DIXDC1: variants seen among roughly 807,000 people sequenced by gnomAD.
The protein encoded by DIXDC1 is DIX domain containing 1.
DIXDC1 carries 64 observed loss-of-function variants against 103.1 expected under a neutral mutation model. The ratio of observed to expected loss-of-function variants is 0.62; its 90% CI spans 0.51 to 0.76. DIXDC1 has a LOEUF of 0.76. Ranked by LOEUF, DIXDC1 falls within the 30% of genes least tolerant of loss-of-function variation. The probability of loss-of-function intolerance (pLI) is 0.00; values close to 1 mark genes in which losing one functional copy is unlikely to be tolerated. For missense variants in DIXDC1, 759 were observed against 834.2 expected, an observed-to-expected ratio of 0.91 and a Z score of 1.11; for synonymous variants, 266 against 298.5, an observed-to-expected ratio of 0.89 and a Z score of 1.12.
chr11:111,981,431 G>A (rs1555173230), intron 6 of DIXDC1, among the ~76,000 whole-genome samples: 1 of 152,226 alleles, frequency 6.6e-6, no homozygotes, highest in African/African-American at 2.4e-5. Flanking sequence ...CACAAGAGTT[G>A]TAATGAAACA....
At chr11:111,932,388 G>GA (rs201166525), upstream of DIXDC1, among the ~76,000 whole-genome samples, 1 of 150,320 alleles carries the variant, frequency 6.7e-6, no homozygotes, top group South Asian at 2.1e-4. Context: ...TGTGAAAAAA[G>GA]AAAAAAAATC....
At position 111,969,967 on chromosome 11, in the gene DIXDC1, C is replaced by T. The variant is rs587618478; in HGVS notation, c.316+1329C>T. Among the ~76,000 whole-genome samples the T allele has an allele frequency of 5.3e-5, 8 of 152,202 alleles. No individual in the cohort carries two copies. In the South Asian group the frequency reaches 1.2e-3, roughly 24 times the overall value. ...TGATATGATTCTATACCTAGAAAAC[C>T]CCAAAAGCCTCTGTCAAAAGGCTCC... On this transcript the variant is annotated intron_variant, in intron 3 of 19. Transcript: ENST00000440460.
intron 3 of DIXDC1, among the ~76,000 whole-genome samples, chr11:111,972,150 CAAAT>C (rs1157927826): frequency 2.6e-5 from 4 of 152,282 alleles, no homozygotes; most frequent in African/African-American, 4.8e-5. Context: ...AAAACAAACA[CAAAT>C]AATCCTTTTC....
At chr11:111,996,401 A>C (rs1860900641) in intron 17 of DIXDC1, 1 of 306,558 alleles carries the variant, frequency 3.3e-6, no homozygotes, top group Non-Finnish European at 6.0e-6. Context: ...TTTGAAGAAC[A>C]CAGAAGCTCA....
At chr11:112,012,219 G>C (rs767221192) in intron 17 of DIXDC1, among the ~76,000 whole-genome samples, 2 of 152,120 alleles carry the variant, frequency 1.3e-5, no homozygotes, top group Non-Finnish European at 2.9e-5. Context: ...AAAATTTATA[G>C]GAAAGAATAA....
At position 111,977,414 on chromosome 11, in the gene DIXDC1, AG is replaced by A; in HGVS notation, c.656+2437del. ...GGAGATGGGTTGAGATGCCCCCGCC[AG>A]GGGGGATGCCCGGCACCGTGCGTCC... On this transcript the variant is annotated intron_variant, in intron 5 of 19. Transcript: ENST00000440460. The surrounding 1 kb of genome is among the most constrained non-coding windows in gnomAD (Gnocchi z 6.1). 1.7e-6 allele frequency: 2 copies of A among 1,158,454 alleles called. No individual in the cohort carries two copies. Among genetic ancestry groups the A allele is most frequent in the South Asian group, 2.2e-5 (1 of 46,016 alleles). The allele number at this position is 1,158,454 out of a possible 1,614,324, so 71.8% of individuals were successfully genotyped here.
chr11:111,986,507 G>A (rs1592598342), intron 8 of DIXDC1, among the ~76,000 whole-genome samples: 1 of 151,876 alleles, frequency 6.6e-6, no homozygotes, highest in South Asian at 2.1e-4. Flanking sequence ...TGGGATTACA[G>A]GTGTGCACCA....
chr11:111,996,223 G>A (rs1209392430), intron 17 of DIXDC1, 77 bp downstream of exon 17: 5 of 1,336,820 alleles, frequency 3.7e-6, no homozygotes, highest in Admixed American at 4.8e-5. Context: ...ACTACATTTT[G>A]GGGATGTAAT....
chr11:111,937,058 G>A, upstream of DIXDC1: 1 of 200,914 alleles, frequency 5.0e-6, no homozygotes, highest in Non-Finnish European at 8.6e-6. Context: ...ACATACAGCA[G>A]CACGTTTGCC....
chr11:111,950,177 A>T (rs1272538990), intron 1 of DIXDC1, among the ~76,000 whole-genome samples: 2 of 151,704 alleles, frequency 1.3e-5, no homozygotes, highest in Admixed American at 6.6e-5. Context: ...TTAACAGCAA[A>T]ATGTGTTAAA....
chr11:111,988,142 G>A (rs144307087), intron 9 of DIXDC1, among the ~76,000 whole-genome samples: 3 of 152,090 alleles, frequency 2.0e-5, no homozygotes, highest in Non-Finnish European at 2.9e-5. Context: ...GGGGCTTCAG[G>A]AACACACCAC....
chr11:111,952,637 A>G (rs1555170150), intron 1 of DIXDC1, among the ~76,000 whole-genome samples: 1 of 152,056 alleles, frequency 6.6e-6, no homozygotes, highest in Non-Finnish European at 1.5e-5. Flanking sequence ...CCTGACCAAC[A>G]TGGTGAAACC....
At chr11:111,989,214 A>C (rs1376122115) in intron 10 of DIXDC1, among the ~76,000 whole-genome samples, 159 bp downstream of exon 10, 1 of 152,190 alleles carries the variant, frequency 6.6e-6, no homozygotes, top group Non-Finnish European at 1.5e-5. Flanking sequence ...ATGTCGAGGA[A>C]TATACCTTTG....
In DIXDC1 at chr11:111,977,417, G is replaced by A; in HGVS notation, c.656+2434G>A. 8.5e-7 allele frequency: 1 copy of A among 1,171,664 alleles called. No individual in the cohort carries two copies. The highest frequency in any genetic ancestry group is 1.1e-6 in the Non-Finnish European group (1 of 946,964). 72.6% of individuals were successfully genotyped at this position (1,171,664 alleles called of 1,614,324 possible). A position where few individuals can be genotyped will look rare whatever the true frequency, so the allele number is the denominator to read the frequency against. Reference sequence around the variant, plus strand: ...GATGGGTTGAGATGCCCCCGCCAGGGGGGATGCCCGGCACCGTGCGTCCGC... The same window carrying A: ...GATGGGTTGAGATGCCCCCGCCAGGAGGGATGCCCGGCACCGTGCGTCCGC... On this transcript the variant is annotated intron_variant, in intron 5 of 19. Coordinates refer to ENST00000440460, the MANE Select transcript of DIXDC1 (RefSeq NM_001037954.4). The surrounding 1 kb of genome is among the most constrained non-coding windows in gnomAD (Gnocchi z 6.1).
At chr11:111,955,603 G>A (rs956633598) in intron 1 of DIXDC1, among the ~76,000 whole-genome samples, 6 of 151,800 alleles carry the variant, frequency 4.0e-5, no homozygotes, top group Admixed American at 6.6e-5. Context: ...GGGAAGCCAA[G>A]GCGGGTGGAT....
chr11:111,968,529 T>G lies in DIXDC1; in HGVS notation c.207T>G (p.Ser69Arg). 2 of 1,613,114 alleles carry G rather than the reference T, an allele frequency of 1.2e-6. No homozygotes were observed. Among genetic ancestry groups the G allele is most frequent in the Non-Finnish European group, 1.7e-6 (2 of 1,179,504 alleles). The change falls in exon 3 of 20, where the codon AGT (serine) becomes AGG (arginine). Residue 69 changes from serine to arginine, a missense_variant. Around this residue, in one of 3 missense-constraint regions of DIXDC1, gnomAD observed 97 missense variants for 85.4 expected, o/e 1.14. Coordinates refer to ENST00000440460, the MANE Select transcript of DIXDC1 (RefSeq NM_001037954.4). The part of the protein sequence containing the change: ...LIEIVAGEKL[S>R]GVQLSPGNQQ... ...TCCTAACAGCAGGAGAAAAGCTGAG[T>G]GGGGTACAGCTGAGTCCCGGTAACC...
chr11:112,013,633 A>G (rs2137639409), intron 17 of DIXDC1, among the ~76,000 whole-genome samples: 1 of 152,012 alleles, frequency 6.6e-6, no homozygotes, highest in South Asian at 2.1e-4. Flanking sequence ...CCTTTTATAT[A>G]CCCTATGTTC....
chr11:111,980,740 G>T lies in DIXDC1; in HGVS notation c.660G>T (p.Leu220=). The T allele has an allele frequency of 6.2e-7, 1 of 1,613,182 alleles. No individual in the cohort carries two copies. Among genetic ancestry groups the T allele is most frequent in the Non-Finnish European group, 8.5e-7 (1 of 1,179,494 alleles). ...RSPSESSCSS[L]TSPSPIHSAK... ...CTTCCTTTTTCTTCAATCACAGCCT[G>T]ACTTCACCCAGTCCAATCCACAGTG... Residue 220 remains leucine (L), a synonymous_variant, in exon 6 of 20, where the codon CTG becomes CTT. Coordinates refer to ENST00000440460, the MANE Select transcript of DIXDC1 (RefSeq NM_001037954.4).
At chr11:111,946,880 A>T in intron 1 of DIXDC1, 1 of 332,404 alleles carries the variant, frequency 3.0e-6, no homozygotes, top group South Asian at 2.8e-5. Flanking sequence ...TGGTATGCCA[A>T]ATGCTGGACC....
Sources: allele counts gnomAD v4.1 joint callset (sites outside exome capture counted in the v4.1 genomes callset), GRCh38; gene constraint gnomAD v4.1.1; regional missense constraint gnomAD v4.1.1; non-coding constraint Gnocchi (gnomAD v3.1); transcripts MANE v1.5; gene names NCBI Gene and HGNC (gene_info 2026-07-23, HGNC 2026-07-21).